MYO1D: variants seen among roughly 807,000 people sequenced by gnomAD.
MYO1D encodes the protein unconventional myosin-Id.
A neutral mutation model predicts 122.0 loss-of-function variants in MYO1D; 83 were observed. That is an observed-to-expected ratio of 0.68 (90% CI 0.57 to 0.82). The LOEUF (loss-of-function observed/expected upper bound fraction) is 0.82. Among genes scored for constraint, MYO1D ranks in the 40% least tolerant of loss-of-function variants. MYO1D has a pLI of 0.00. For synonymous variants in MYO1D, 464 were observed against 446.9 expected (o/e 1.04, Z -0.48); for missense variants, 1,157 against 1,269.5 (o/e 0.91, Z 1.35).
chr17:32,679,774 T>C (rs1478966271), intron 16 of MYO1D, among the ~76,000 whole-genome samples: 2 of 151,914 alleles, frequency 1.3e-5, no homozygotes, highest in Admixed American at 6.5e-5. Flanking sequence ...AACTTTAAAG[T>C]AGTTTTTTCC....
At chr17:32,692,048 T>C (rs1252493200) in intron 16 of MYO1D, among the ~76,000 whole-genome samples, 1 of 152,218 alleles carries the variant, frequency 6.6e-6, no homozygotes, top group African/African-American at 2.4e-5. Context: ...GGACCTTTTG[T>C]ATATTAAAGG....
chr17:32,864,181 T>C (rs2091104616), intron 1 of MYO1D, among the ~76,000 whole-genome samples: 1 of 151,964 alleles, frequency 6.6e-6, no homozygotes. Flanking sequence ...GCAGAGCTGC[T>C]CTGTTAAAAG....
chr17:32,612,649 A>C (rs1271947802), intron 20 of MYO1D, among the ~76,000 whole-genome samples: 3 of 139,998 alleles, frequency 2.1e-5, no homozygotes. Flanking sequence ...ACGCCACTGC[A>C]CTCCAGCCTG....
intron 16 of MYO1D, among the ~76,000 whole-genome samples, chr17:32,683,780 A>C (rs1472034488): frequency 6.6e-6 from 1 of 152,036 alleles, no homozygotes; most frequent in African/African-American, 2.4e-5. Flanking sequence ...GGCTCCACCC[A>C]GGAGCTTCCC....
rs61293953 is a variant in MYO1D at position 32,766,802 on chromosome 17, C to CAAAACAAAACA, written c.831+833_831+834insTGTTTTGTTTT. 5.3e-4 allele frequency among the ~76,000 whole-genome samples: 79 copies of CAAAACAAAACA among 150,342 alleles called. 1 individual carries two copies. Among genetic ancestry groups the CAAAACAAAACA allele is most frequent in the Middle Eastern group, 3.4e-3 (1 of 290 alleles). On this transcript the variant is annotated intron_variant, in intron 7 of 21. Coordinates refer to ENST00000318217, the MANE Select transcript of MYO1D (RefSeq NM_015194.3). ...GCGAGATTCCATCTCAAAAAGAAAA[C>CAAAACAAAACA]AAAACAACAAAAAATAAAATTCTTG... is the stretch of plus-strand genomic sequence containing the variant.
chr17:32,752,676 A>G (rs1174263493), intron 11 of MYO1D, among the ~76,000 whole-genome samples: 2 of 152,206 alleles, frequency 1.3e-5, no homozygotes, highest in Non-Finnish European at 2.9e-5. Flanking sequence ...AAAATGTTCA[A>G]CATCACTAAT....
chr17:32,783,908 C>G (rs1050902945), intron 1 of MYO1D, among the ~76,000 whole-genome samples: 12 of 152,194 alleles, frequency 7.9e-5, no homozygotes, highest in Non-Finnish European at 1.8e-4. Flanking sequence ...CTTCTGTGTG[C>G]AAACCTTTCA....
chr17:32,590,664 T>C (rs1402399554), intron 21 of MYO1D, among the ~76,000 whole-genome samples: 1 of 152,216 alleles, frequency 6.6e-6, no homozygotes, highest in Non-Finnish European at 1.5e-5. Context: ...ATATTATGCT[T>C]ATATAAACTC....
At chr17:32,856,858 T>G (rs749301186) in intron 1 of MYO1D, among the ~76,000 whole-genome samples, 5 of 152,234 alleles carry the variant, frequency 3.3e-5, no homozygotes, top group Non-Finnish European at 7.3e-5. Context: ...GATCTCAACA[T>G]GAGAAGAGGT....
At chr17:32,585,719 CAG>C (rs1360210185) in intron 21 of MYO1D, among the ~76,000 whole-genome samples, 2 of 125,924 alleles carry the variant, frequency 1.6e-5, no homozygotes, top group African/African-American at 3.0e-5. Flanking sequence ...GTCTGGGCAA[CAG>C]AGCAAGAATC....
rs1460969114 is a variant in MYO1D at position 32,760,390 on chromosome 17, C to T, written c.1196G>A (p.Cys399Tyr). 1.2e-6 allele frequency: 2 copies of T among 1,609,366 alleles called. No homozygotes were observed. The highest frequency in any genetic ancestry group is 1.7e-6 in the Non-Finnish European group (2 of 1,176,410). The change falls in exon 10 of 22, where the codon TGT becomes TAT. Residue 399 changes from cysteine to tyrosine, a missense_variant. Transcript: ENST00000318217. ...IFDNNSFEQFCINYCNEKLQQ... is the reference protein window; with the variant it reads ...IFDNNSFEQFYINYCNEKLQQ... ...CAGTTTCTCATTGCAGTAATTGATA[C>T]AGAATTGTTCAAAACTACAAGAAAA...
intron 16 of MYO1D, chr17:32,686,123 A>AC (rs1009638019): frequency 8.0e-4 from 122 of 152,364 alleles, no homozygotes; most frequent in African/African-American, 2.5e-3. Context: ...GGGGAAAAAA[A>AC]ACACACAAAA....
At chr17:32,763,818 G>A (rs928313516) in intron 8 of MYO1D, among the ~76,000 whole-genome samples, 2 of 152,208 alleles carry the variant, frequency 1.3e-5, no homozygotes, top group Admixed American at 1.3e-4. Flanking sequence ...TACTTGGGAG[G>A]CTGAGACAGG....
chr17:32,613,476 A>AAGAAATACCTCAATAT (rs2087729255), intron 20 of MYO1D, among the ~76,000 whole-genome samples: 2 of 152,142 alleles, frequency 1.3e-5, no homozygotes, highest in Admixed American at 1.3e-4. Flanking sequence ...GTTCACTAGT[A>AAGAAATACCTCAATAT]AGAAATACCT....
At chr17:32,676,627 TTGTTAGCCGCCACC>T in intron 16 of MYO1D, among the ~76,000 whole-genome samples, 1 of 152,032 alleles carries the variant, frequency 6.6e-6, no homozygotes, top group Middle Eastern at 3.4e-3. Flanking sequence ...GCGGCTGAAA[TTGTTAGCCGCCACC>T]TCACAACCAC....
intron 1 of MYO1D, among the ~76,000 whole-genome samples, chr17:32,860,062 A>C (rs2091056913): frequency 6.6e-6 from 1 of 152,174 alleles, no homozygotes; most frequent in African/African-American, 2.4e-5. Flanking sequence ...GGGCTTCCTA[A>C]GCAAGGAGCA....
intron 10 of MYO1D, among the ~76,000 whole-genome samples, chr17:32,756,730 G>T (rs539815101): frequency 6.6e-6 from 1 of 152,012 alleles, no homozygotes; most frequent in African/African-American, 2.4e-5. Flanking sequence ...ATTTTTCTAG[G>T]CATAATATAA....
intron 15 of MYO1D, among the ~76,000 whole-genome samples, chr17:32,718,573 C>T (rs1323998555): frequency 6.6e-6 from 1 of 151,988 alleles, no homozygotes; most frequent in Non-Finnish European, 1.5e-5. Context: ...TGGTGACGCG[C>T]CCCTGTAATC....
At chr17:32,629,877 G>A (rs1054766620) in intron 20 of MYO1D, among the ~76,000 whole-genome samples, 1 of 152,194 alleles carries the variant, frequency 6.6e-6, no homozygotes, top group Non-Finnish European at 1.5e-5. Context: ...TGATAAAGTC[G>A]TGCCTCACAG....
Sources: gnomAD v4.1 joint callset for allele counts (sites outside exome capture counted in the v4.1 genomes callset) on GRCh38, gnomAD v4.1.1 for gene constraint, MANE v1.5 for transcripts, NCBI Gene and HGNC (gene_info 2026-07-23, HGNC 2026-07-21) for gene names.